The following MGAM2 variants were observed in gnomAD, a reference collection of about 807,000 sequenced individuals.
MGAM2 encodes the protein maltase-glucoamylase 2 (putative).
Under a neutral mutation model 96.1 loss-of-function variants are expected in MGAM2, and 98 were observed. That is an observed-to-expected ratio of 1.02 (90% CI 0.87 to 1.21). The LOEUF (loss-of-function observed/expected upper bound fraction) is 1.21, where lower values mean the gene tolerates loss of function less well. MGAM2 is among the 50% of genes most tolerant of loss of function. The probability of loss-of-function intolerance (pLI) is 0.00; values close to 1 mark genes in which losing one functional copy is unlikely to be tolerated. For synonymous variants in MGAM2, 749 were observed against 414.8 expected (o/e 1.81, Z -9.79); for missense variants, 2,055 against 1,182.4 (o/e 1.74, Z -10.82).
chr7:142,163,937 T>G (rs531872545), intron 23 of MGAM2, among the ~76,000 whole-genome samples: 2 of 152,338 alleles, frequency 1.3e-5, no homozygotes, highest in South Asian at 4.1e-4. Context: ...CCTTATAGAT[T>G]GTGCTTTTTG....
At chr7:142,171,506 C>T (rs113319264) in intron 28 of MGAM2, 66 bp downstream of exon 28, 1 of 666,370 alleles carries the variant, frequency 1.5e-6, no homozygotes, top group Non-Finnish European at 2.7e-6. Context: ...AATCCTTATG[C>T]TTATATATGA....
intron 15 of MGAM2, among the ~76,000 whole-genome samples, chr7:142,151,238 A>G (rs1054998595): frequency 5.3e-5 from 8 of 152,178 alleles, no homozygotes; most frequent in Non-Finnish European, 1.0e-4. Context: ...GGCAGGACCC[A>G]GCACCTAGGG....
chr7:142,173,636 TGTTTTACCAAACAA>T (rs1796272738), intron 31 of MGAM2, among the ~76,000 whole-genome samples: 1 of 152,246 alleles, frequency 6.6e-6, no homozygotes, highest in African/African-American at 2.4e-5. Flanking sequence ...CACAAGTCTC[TGTTTTACCAAACAA>T]GTTTCACCTA....
chr7:142,112,343 C>G (rs915242777), intron 1 of MGAM2, among the ~76,000 whole-genome samples: 2 of 152,144 alleles, frequency 1.3e-5, no homozygotes, highest in African/African-American at 4.8e-5. Flanking sequence ...AGCTAAGGTG[C>G]TGAACCTGCT....
At chr7:142,130,491 G>T (rs1367955574) in intron 3 of MGAM2, among the ~76,000 whole-genome samples, 3 of 152,210 alleles carry the variant, frequency 2.0e-5, no homozygotes, top group Admixed American at 2.0e-4. Flanking sequence ...TTCTCCGCCA[G>T]GAATACTGTT....
rs1002728625 is a variant in MGAM2, at chr7:142,221,916, A to G, written c.7405A>G (p.Ile2469Val). Residue 2469 changes from isoleucine to valine, a missense_variant, in exon 48 of 48, where the codon ATT becomes GTT. Transcript: ENST00000477922. The stretch of plus-strand genomic sequence containing the variant: ...AAATTCTGTGGCTACTTATTTACCT[A>G]TTACTGCAACTAGTGCTACCACAGA... Reference protein sequence around the residue: ...VINSVATYLPITATSATTDTT... With the variant: ...VINSVATYLPVTATSATTDTT... 1 of 399,826 alleles carries G rather than the reference A, an allele frequency of 2.5e-6. No homozygotes were observed. Among genetic ancestry groups the G allele is most frequent in the African/African-American group, 2.1e-5 (1 of 48,624 alleles). The allele number at this position is 399,826 out of a possible 1,614,324, so 24.8% of individuals were successfully genotyped here. A position where few individuals can be genotyped will look rare whatever the true frequency, so the allele number is the denominator to read the frequency against.
chr7:142,199,323 G>T (rs1437698509), intron 44 of MGAM2, among the ~76,000 whole-genome samples: 1 of 152,182 alleles, frequency 6.6e-6, no homozygotes, highest in Non-Finnish European at 1.5e-5. Flanking sequence ...ATAACACATG[G>T]TTTATATGAA....
chr7:142,207,757 G>C (rs190987250), intron 45 of MGAM2, among the ~76,000 whole-genome samples: 2 of 152,138 alleles, frequency 1.3e-5, no homozygotes, highest in East Asian at 3.9e-4. Flanking sequence ...TAAGATGTAT[G>C]GTAATAAAAA....
rs144739669 is a variant in MGAM2 at position 142,134,002 on chromosome 7, C to G, written c.597C>G (p.Pro199=). ...CCAGGTTGGACACGAGCATCGGGCC[C>G]CTCCAGTTTGCCCAGCAGTACCTGC... ...RRVLLDTSIG[P]LQFAQQYLQL... Residue 199 remains proline, a synonymous_variant, in exon 7 of 48, where the codon CCC becomes CCG. Transcript: ENST00000477922. The G allele has an allele frequency of 2.9e-5, 21 of 719,894 alleles. No individual in the cohort carries two copies. The highest frequency in any genetic ancestry group is 2.9e-4 in the South Asian group (20 of 69,026). 44.6% of individuals were successfully genotyped at this position (719,894 alleles called of 1,614,324 possible).
intron 32 of MGAM2, among the ~76,000 whole-genome samples, chr7:142,183,020 A>T (rs1256850226): frequency 6.6e-6 from 1 of 152,144 alleles, no homozygotes; most frequent in Non-Finnish European, 1.5e-5. Flanking sequence ...TTTGAAAGAG[A>T]TTACCCCTCA....
intron 26 of MGAM2, among the ~76,000 whole-genome samples, chr7:142,167,725 G>A (rs1000289284): frequency 6.6e-6 from 1 of 152,066 alleles, no homozygotes; most frequent in East Asian, 1.9e-4. Flanking sequence ...GGTGTGCTCC[G>A]ACACACCTGG....
At chr7:142,184,754 T>C (rs970843704) in intron 33 of MGAM2, among the ~76,000 whole-genome samples, 2 of 152,242 alleles carry the variant, frequency 1.3e-5, no homozygotes, top group Non-Finnish European at 2.9e-5. Context: ...ATACTTATTA[T>C]GAATTTTGTT....
At chr7:142,207,810 G>C (rs1797456134) in intron 45 of MGAM2, among the ~76,000 whole-genome samples, 1 of 152,158 alleles carries the variant, frequency 6.6e-6, no homozygotes, top group African/African-American at 2.4e-5. Flanking sequence ...TTAGGTAAAA[G>C]TATTATCAGA....
At chr7:142,153,408 T>C (rs1057165353) in intron 15 of MGAM2, among the ~76,000 whole-genome samples, 2 of 152,250 alleles carry the variant, frequency 1.3e-5, no homozygotes, top group Non-Finnish European at 2.9e-5. Flanking sequence ...AAGTATCAGA[T>C]GCGATCTTTT....
At position 142,215,202 on chromosome 7, in the gene MGAM2, C is replaced by T. The variant is rs1203890584; in HGVS notation, c.5188-3159C>T. On this transcript the variant is annotated intron_variant, in intron 46 of 47. Coordinates refer to ENST00000477922, the MANE Select transcript of MGAM2 (RefSeq NM_001293626.2). The stretch of plus-strand genomic sequence containing the variant: ...CACACTCAGCAAACTAACACAGGAA[C>T]AGAAAACCAAACACTGCATGTTGTC... 2.0e-5 allele frequency among the ~76,000 whole-genome samples: 3 copies of T among 152,140 alleles called. No individual in the cohort carries two copies. In the East Asian group the frequency reaches 5.8e-4, roughly 29 times the overall value.
chr7:142,186,083 G>A lies in MGAM2; in HGVS notation c.4082G>A (p.Arg1361Gln), dbSNP rs530087551. ...ATAGAAGAGCTCTATGCAAACCCTC[G>A]AGAGCCAGAGAAGAGCTTGAAGTTT... ...KEIEELYANP[R>Q]EPEKSLKFDG... Residue 1361 changes from arginine (R) to glutamine (Q), a missense_variant, in exon 35 of 48, where the codon CGA becomes CAA. Arg to Gln is a conservative substitution (Grantham distance 43, BLOSUM62 1). Coordinates refer to ENST00000477922, the MANE Select transcript of MGAM2 (RefSeq NM_001293626.2). 3.3e-4 allele frequency: 232 copies of A among 706,060 alleles called. No individual in the cohort carries two copies. In the African/African-American group the frequency reaches 3.7e-3, roughly 11 times the overall value. 43.7% of individuals were successfully genotyped at this position (706,060 alleles called of 1,614,324 possible). A position where few individuals can be genotyped will look rare whatever the true frequency, so the allele number is the denominator to read the frequency against.
At chr7:142,145,548 C>T (rs1269034207) in intron 14 of MGAM2, among the ~76,000 whole-genome samples, 2 of 152,118 alleles carry the variant, frequency 1.3e-5, no homozygotes, top group East Asian at 1.9e-4. Flanking sequence ...GTGGAGGTGG[C>T]GGGTGGCAGT....
At position 142,221,583 on chromosome 7, in the gene MGAM2, G is replaced by A; in HGVS notation, c.7072G>A (p.Val2358Ile). ...AAGTACCATGGTAATAGATGCTACG[G>A]TCACTACTACCAGCACCAAAGATAA... ...TKSTMVIDAT[V>I]TTTSTKDNTM... Residue 2358 changes from valine to isoleucine, a missense_variant, in exon 48 of 48, where the codon GTC becomes ATC. Physicochemically the swap from Val to Ile is conservative, Grantham distance 29 (BLOSUM62 3). Transcript: ENST00000477922. 2 of 524,272 alleles carry A rather than the reference G, an allele frequency of 3.8e-6. No homozygotes were observed. Among genetic ancestry groups the A allele is most frequent in the Non-Finnish European group, 3.3e-6 (1 of 300,384 alleles). The allele number at this position is 524,272 out of a possible 1,614,324, so 32.5% of individuals were successfully genotyped here. A position where few individuals can be genotyped will look rare whatever the true frequency, so the allele number is the denominator to read the frequency against.
rs1288934329 is a variant in MGAM2 at position 142,220,767 on chromosome 7, C to T, written c.6256C>T (p.Pro2086Ser). Reference sequence around the variant, plus strand: ...TGTTCCTAATACCACTATGCCTTCTCCTACAAGTAGTACTACTGTGAGTAC... The same window carrying T: ...TGTTCCTAATACCACTATGCCTTCTTCTACAAGTAGTACTACTGTGAGTAC... ...NTVPNTTMPSPTSSTTVSTIA... is the reference protein window; with the variant it reads ...NTVPNTTMPSSTSSTTVSTIA... The change falls in exon 48 of 48, where the codon CCT becomes TCT. Residue 2086 changes from proline to serine, a missense_variant. Transcript: ENST00000477922. 2.1e-5 allele frequency: 15 copies of T among 702,180 alleles called. No homozygotes were observed. Among genetic ancestry groups the T allele is most frequent in the Non-Finnish European group, 3.6e-5 (14 of 384,790 alleles). The allele number at this position is 702,180 out of a possible 1,614,324, so 43.5% of individuals were successfully genotyped here. A position where few individuals can be genotyped will look rare whatever the true frequency, so the allele number is the denominator to read the frequency against.
Sources: allele counts gnomAD v4.1 joint callset (sites outside exome capture counted in the v4.1 genomes callset), GRCh38; gene constraint gnomAD v4.1.1; transcripts MANE v1.5; gene names NCBI Gene and HGNC (gene_info 2026-07-23, HGNC 2026-07-21).